FSTL4: variants seen among roughly 807,000 people sequenced by gnomAD.
FSTL4 encodes follistatin-related protein 4.
FSTL4 carries 28 observed loss-of-function variants against 78.2 expected under a neutral mutation model. That is an observed-to-expected ratio of 0.36 (90% CI 0.27 to 0.49). FSTL4 has a LOEUF of 0.49. Among genes scored for constraint, FSTL4 ranks in the 20% least tolerant of loss-of-function variants. FSTL4 has a pLI of 0.98. For synonymous variants in FSTL4, 422 were observed against 440.5 expected, an observed-to-expected ratio of 0.96 and a Z score of 0.53; for missense variants, 922 against 1,084.9, an observed-to-expected ratio of 0.85 and a Z score of 2.11.
At chr5:133,680,920 C>T in the FSTL4 span, among the ~76,000 whole-genome samples, 3 of 101,404 alleles carry the variant, frequency 3.0e-5, no homozygotes, top group African/African-American at 2.7e-5. Flanking sequence ...TGATGCAGCT[C>T]ATCATGGGCA....
chr5:133,600,772 G>A (rs867071075), intron 2 of FSTL4, among the ~76,000 whole-genome samples: 3 of 152,138 alleles, frequency 2.0e-5, no homozygotes, highest in Admixed American at 1.3e-4. Context: ...TCTTATTAAC[G>A]CTTTCTAAGT....
chr5:133,545,216 C>T (rs1201399983), intron 3 of FSTL4, among the ~76,000 whole-genome samples: 2 of 152,142 alleles, frequency 1.3e-5, no homozygotes, highest in Non-Finnish European at 2.9e-5. Flanking sequence ...TTTGAGAGTG[C>T]TCCCCAAGAT....
chr5:133,427,801 C>A, intron 3 of FSTL4: 1 of 424,820 alleles, frequency 2.4e-6, no homozygotes, highest in Non-Finnish European at 5.3e-6. Flanking sequence ...GGCTTTGGTT[C>A]CTTCTCAGAG....
intron 3 of FSTL4, among the ~76,000 whole-genome samples, chr5:133,414,705 C>A (rs1416859694): frequency 6.6e-6 from 1 of 152,144 alleles, no homozygotes; most frequent in Non-Finnish European, 1.5e-5. Context: ...AAAACAGAAT[C>A]CAACAATTAA....
At chr5:133,544,168 A>C (rs1759528501) in intron 3 of FSTL4, among the ~76,000 whole-genome samples, 1 of 152,182 alleles carries the variant, frequency 6.6e-6, no homozygotes, top group African/African-American at 2.4e-5. Flanking sequence ...CTTTTAATTA[A>C]TTAATTAAAA....
intron 4 of FSTL4, among the ~76,000 whole-genome samples, chr5:133,389,630 C>T (rs1328559870): frequency 6.6e-6 from 1 of 152,172 alleles, no homozygotes; most frequent in African/African-American, 2.4e-5. Flanking sequence ...TGTCCATCAC[C>T]CACCTATCCA....
chr5:133,592,089 C>T (rs1760640546), intron 2 of FSTL4, among the ~76,000 whole-genome samples: 1 of 152,130 alleles, frequency 6.6e-6, no homozygotes, highest in Non-Finnish European at 1.5e-5. Context: ...TCCTTAAATA[C>T]TCTAATACTC....
chr5:133,513,212 G>A (rs11746395), intron 3 of FSTL4, among the ~76,000 whole-genome samples: 10 of 152,126 alleles, frequency 6.6e-5, no homozygotes, highest in African/African-American at 2.4e-4. Flanking sequence ...CTTTGATGAC[G>A]CCTAACTCCA....
At chr5:133,679,286 C>T in the FSTL4 span, among the ~76,000 whole-genome samples, 1 of 152,168 alleles carries the variant, frequency 6.6e-6, no homozygotes, top group African/African-American at 2.4e-5. Flanking sequence ...CAGCATAAAC[C>T]ACATTCTCGG....
intron 3 of FSTL4, among the ~76,000 whole-genome samples, chr5:133,533,872 C>T (rs1341126338): frequency 1.3e-5 from 2 of 152,084 alleles, no homozygotes; most frequent in Non-Finnish European, 2.9e-5. Flanking sequence ...TCTCCAGGTG[C>T]TCCCACAGCT....
At chr5:133,293,794 C>T (rs1277699578) in intron 6 of FSTL4, among the ~76,000 whole-genome samples, 2 of 152,208 alleles carry the variant, frequency 1.3e-5, no homozygotes, top group African/African-American at 2.4e-5. Flanking sequence ...TGAGCTGTTA[C>T]AGGAATGGAG....
chr5:133,798,889 C>T, the FSTL4 span, among the ~76,000 whole-genome samples: 4 of 135,828 alleles, frequency 2.9e-5, no homozygotes, highest in Non-Finnish European at 4.6e-5. Context: ...GCCTAGGACA[C>T]ATTAATTAAT....
the FSTL4 span, among the ~76,000 whole-genome samples, chr5:133,807,752 C>T: frequency 6.6e-6 from 1 of 152,366 alleles, no homozygotes; most frequent in Non-Finnish European, 1.5e-5. Flanking sequence ...CATGTCCTCT[C>T]ACCGCAAAAT....
chr5:133,729,945 C>T, the FSTL4 span, among the ~76,000 whole-genome samples: 1 of 152,182 alleles, frequency 6.6e-6, no homozygotes, highest in Non-Finnish European at 1.5e-5. Flanking sequence ...TCTTGACTCT[C>T]ATTCTGGACT....
intron 2 of FSTL4, among the ~76,000 whole-genome samples, chr5:133,569,014 T>C (rs1760091708): frequency 6.6e-6 from 1 of 152,240 alleles, no homozygotes; most frequent in Non-Finnish European, 1.5e-5. Context: ...CTTTTTTGTA[T>C]GTCTTTTGTT....
chr5:133,239,811 G>C (rs532993758), intron 7 of FSTL4, among the ~76,000 whole-genome samples: 4 of 152,152 alleles, frequency 2.6e-5, no homozygotes, highest in East Asian at 1.9e-4. Flanking sequence ...AGTGGGGACC[G>C]TGGAGAACTT....
intron 4 of FSTL4, among the ~76,000 whole-genome samples, chr5:133,351,503 T>C (rs1030468149): frequency 3.3e-5 from 5 of 152,152 alleles, no homozygotes; most frequent in Admixed American, 6.5e-5. Flanking sequence ...TTAGCTGCTG[T>C]TTTATGTTTT....
At chr5:133,547,296 C>T (rs1010521492) in intron 3 of FSTL4, among the ~76,000 whole-genome samples, 8 of 152,194 alleles carry the variant, frequency 5.3e-5, no homozygotes, top group Admixed American at 3.9e-4. Context: ...TTCATTGTAT[C>T]TTGGAAGTAG....
rs898220332 is a variant in FSTL4, at chr5:133,338,930, C to T, written c.410-22278G>A. On this transcript the variant is annotated intron_variant, in intron 4 of 15. Coordinates refer to ENST00000265342, the MANE Select transcript of FSTL4 (RefSeq NM_015082.2). This position sits in a 1 kb window ranked among gnomAD's most constrained non-coding sequence, Gnocchi z 4.0. ...TAGTTCAGGAAGCCATTAACACCCCCGGATGACCACTATGCCTCCGATCAT... is the reference window on the plus strand; with the variant it reads ...TAGTTCAGGAAGCCATTAACACCCCTGGATGACCACTATGCCTCCGATCAT... 2.0e-5 allele frequency among the ~76,000 whole-genome samples: 3 copies of T among 152,142 alleles called. No individual in the cohort carries two copies. The highest frequency in any genetic ancestry group is 4.4e-5 in the Non-Finnish European group (3 of 68,042).
Sources: allele counts gnomAD v4.1 joint callset (sites outside exome capture counted in the v4.1 genomes callset), GRCh38; gene constraint gnomAD v4.1.1; non-coding constraint Gnocchi (gnomAD v3.1); transcripts MANE v1.5; gene names NCBI Gene and HGNC (gene_info 2026-07-23, HGNC 2026-07-21).